The following MAK variants were observed in gnomAD, a reference collection of about 807,000 sequenced individuals.
The protein encoded by MAK is serine/threonine-protein kinase MAK.
MAK carries 65 observed loss-of-function variants against 82.6 expected under a neutral mutation model. The observed-to-expected ratio is 0.79, with a 90% CI of 0.64 to 0.97. MAK has a LOEUF of 0.97. MAK is among the 50% of genes least tolerant of loss of function. The pLI is 0.00. For synonymous variants in MAK, 250 were observed against 274.2 expected (o/e 0.91, Z 0.87); for missense variants, 703 against 780.2 (o/e 0.90, Z 1.18).
intron 14 of MAK, among the ~76,000 whole-genome samples, chr6:10,767,480 G>C (rs922570579): frequency 3.3e-5 from 5 of 152,136 alleles, no homozygotes; most frequent in African/African-American, 4.8e-5. Flanking sequence ...AGATTACATG[G>C]GAGGGAAGAC....
chr6:10,764,489 C>T lies in MAK; in HGVS notation c.1910G>A (p.Arg637Lys), dbSNP rs377372773. ...RAQPIPSVHG[R>K]TDWVAKYGGH... Reference sequence around the variant, plus strand: ...TCCATACTTGGCCACCCAGTCTGTCCTCCCATGCACTGAGGGAATGGGCTG... The same window carrying T: ...TCCATACTTGGCCACCCAGTCTGTCTTCCCATGCACTGAGGGAATGGGCTG... The change falls in exon 15 of 15, where the codon AGG (arginine) becomes AAG (lysine). Residue 637 changes from arginine to lysine, a missense_variant. Coordinates refer to ENST00000354489, the MANE Select transcript of MAK (RefSeq NM_001242957.3). 7 of 1,614,060 alleles carry T rather than the reference C, an allele frequency of 4.3e-6. No individual in the cohort carries two copies. In the South Asian group the frequency reaches 4.4e-5, roughly 10 times the overall value.
intron 5 of MAK, 41 bp from the exon 6 acceptor site, chr6:10,808,983 A>G (rs1297929874): frequency 1.3e-6 from 2 of 1,512,474 alleles, no homozygotes; most frequent in Non-Finnish European, 1.8e-6. Flanking sequence ...GTAAATCATT[A>G]CGTTTAAACA....
chr6:10,769,935 C>G, intron 14 of MAK, 176 bp downstream of exon 14: 1 of 1,234,958 alleles, frequency 8.1e-7, no homozygotes, highest in South Asian at 1.4e-5. Context: ...ATTAGACCCT[C>G]AAATCCTCAT....
intron 2 of MAK, among the ~76,000 whole-genome samples, chr6:10,827,374 C>A (rs1778456801): frequency 6.6e-6 from 1 of 151,980 alleles, no homozygotes; most frequent in African/African-American, 2.4e-5. Flanking sequence ...TAAAGTATTT[C>A]TTTGTGTGAA....
chr6:10,822,741 G>A (rs940817916), intron 2 of MAK, among the ~76,000 whole-genome samples: 4 of 152,160 alleles, frequency 2.6e-5, no homozygotes, highest in Non-Finnish European at 4.4e-5. Context: ...ACAAATAAGA[G>A]ATGGTACCAT....
intron 5 of MAK, among the ~76,000 whole-genome samples, chr6:10,811,180 G>T (rs1776904700): frequency 6.6e-6 from 1 of 152,168 alleles, no homozygotes; most frequent in Admixed American, 6.6e-5. Flanking sequence ...TGTATTTTTG[G>T]TAGAGATAGG....
Position 10,764,340 on chromosome 6 carries a change from G to T in MAK, c.*112C>A. 1.7e-6 allele frequency: 2 copies of T among 1,194,480 alleles called. No individual in the cohort carries two copies. Among genetic ancestry groups the T allele is most frequent in the East Asian group, 2.5e-5 (1 of 40,668 alleles). The allele number at this position is 1,194,480 out of a possible 1,614,324, so 74.0% of individuals were successfully genotyped here. Reference sequence around the variant, plus strand: ...TTTGCCCTTCCAAGTACCCACTTTTGCATATTTCTTCCAGAACTCAGTAGA... The same window carrying T: ...TTTGCCCTTCCAAGTACCCACTTTTTCATATTTCTTCCAGAACTCAGTAGA... On this transcript the variant is annotated 3_prime_UTR_variant, in exon 15 of 15. Transcript: ENST00000354489.
At chr6:10,834,066 A>G (rs1016934308) in intron 1 of MAK, among the ~76,000 whole-genome samples, 4 of 152,240 alleles carry the variant, frequency 2.6e-5, no homozygotes, top group Non-Finnish European at 4.4e-5. Flanking sequence ...TACGTTAAAC[A>G]AAACATGGAC....
intron 6 of MAK, among the ~76,000 whole-genome samples, chr6:10,806,325 C>G (rs564882652): frequency 1.7e-5 from 1 of 58,778 alleles, no homozygotes; most frequent in East Asian, 6.0e-4. Context: ...GCCACCATGC[C>G]TGGCTAATTT....
intron 2 of MAK, among the ~76,000 whole-genome samples, chr6:10,825,175 A>G (rs1475375265): frequency 6.6e-6 from 1 of 152,160 alleles, no homozygotes; most frequent in East Asian, 1.9e-4. Flanking sequence ...AGTAGCCATA[A>G]GGTGGTCATT....
intron 11 of MAK, chr6:10,780,090 A>T: frequency 5.6e-6 from 1 of 177,962 alleles, no homozygotes; most frequent in Non-Finnish European, 1.1e-5. Flanking sequence ...GCCTGATTCT[A>T]GTTTTAAATT....
chr6:10,825,984 AG>A (rs1249082881), intron 2 of MAK, among the ~76,000 whole-genome samples: 1 of 152,306 alleles, frequency 6.6e-6, no homozygotes, highest in East Asian at 1.9e-4. Flanking sequence ...CTAATCAGCC[AG>A]TTCCAAAAAT....
chr6:10,796,728 C>T (rs1360874796), intron 8 of MAK, among the ~76,000 whole-genome samples: 1 of 150,356 alleles, frequency 6.7e-6, no homozygotes, highest in Non-Finnish European at 1.5e-5. Context: ...ATCGCTTGAA[C>T]CTGGGAGGAG....
At chr6:10,795,059 A>AC in intron 9 of MAK, among the ~76,000 whole-genome samples, 1 of 152,290 alleles carries the variant, frequency 6.6e-6, no homozygotes, top group South Asian at 2.1e-4. Flanking sequence ...ATTTAAGAAC[A>AC]CTGTAAAATG....
intron 14 of MAK, among the ~76,000 whole-genome samples, chr6:10,767,502 T>G (rs1406261761): frequency 6.6e-6 from 1 of 152,102 alleles, no homozygotes. Context: ...TTGATTTTCC[T>G]TCTCAAAACT....
At chr6:10,773,409 G>A (rs1010605780) in intron 12 of MAK, among the ~76,000 whole-genome samples, 5 of 152,090 alleles carry the variant, frequency 3.3e-5, no homozygotes, top group African/African-American at 4.8e-5. Context: ...ACACCGCAGC[G>A]ACATTAAATG....
chr6:10,773,062 A>G lies in MAK; in HGVS notation c.1644T>C (p.Thr548=), dbSNP rs747805700. Residue 548 remains threonine (T), a synonymous_variant, in exon 13 of 15, where the codon ACT becomes ACC. Transcript: ENST00000354489. The part of the protein sequence containing the change: ...KPIEKLSCNE[T]FPEKLEDPQG... The stretch of plus-strand genomic sequence containing the variant: ...GTGGGTCCTCTAATTTTTCAGGAAA[A>G]GTTTCATTGCATGATAGTTTTTCGA... 1.3e-6 allele frequency: 2 copies of G among 1,532,288 alleles called. No individual in the cohort carries two copies. Among genetic ancestry groups the G allele is most frequent in the Non-Finnish European group, 1.7e-6 (2 of 1,143,872 alleles). The allele number at this position is 1,532,288 out of a possible 1,614,324, so 94.9% of individuals were successfully genotyped here.
Position 10,770,023 on chromosome 6 carries a change from G to A in MAK, c.1792+88C>T, listed in dbSNP as rs949166425. 15 of 1,608,884 alleles carry A rather than the reference G, an allele frequency of 9.3e-6. No individual in the cohort carries two copies. In the East Asian group the frequency reaches 1.1e-4, roughly 12 times the overall value. ...GAGGTGAGGCTGACTAAAAGTCTTC[G>A]CTTGGGAAAAGTGACTGCATAAACT... is the stretch of plus-strand genomic sequence containing the variant. On this transcript the variant is annotated intron_variant, in intron 14 of 14. Transcript: ENST00000354489.
rs759240943 is a variant in MAK at position 10,791,895 on chromosome 6, C to T, written c.1144-48G>A. On this transcript the variant is annotated intron_variant, in intron 9 of 14. Transcript: ENST00000354489. ...ATAATCTTTAATCATGTACTGAATG[C>T]CTTTCATGCACAAGCTACTATCTAT... The T allele has an allele frequency of 1.9e-6, 3 of 1,583,980 alleles. No individual in the cohort carries two copies. The East Asian group carries it at 6.7e-5, about 35-fold the overall frequency.
Sources: allele counts gnomAD v4.1 joint callset (sites outside exome capture counted in the v4.1 genomes callset), GRCh38; gene constraint gnomAD v4.1.1; transcripts MANE v1.5; gene names NCBI Gene and HGNC (gene_info 2026-07-23, HGNC 2026-07-21).